TSPAN19: variants seen among roughly 807,000 people sequenced by gnomAD.
TSPAN19 encodes tetraspanin 19.
TSPAN19 carries 44 observed loss-of-function variants against 35.1 expected under a neutral mutation model. The ratio of observed to expected loss-of-function variants is 1.25; its 90% CI spans 0.98 to 1.61. The LOEUF (loss-of-function observed/expected upper bound fraction) is 1.61. Ranked by LOEUF, TSPAN19 falls within the 40% of genes most tolerant of loss-of-function variation. The pLI is 0.00. For missense variants in TSPAN19, 290 were observed against 280.0 expected (o/e 1.04, Z -0.26); for synonymous variants, 79 against 92.0 (o/e 0.86, Z 0.81).
At chr12:85,024,971 T>C (rs1314340998) in intron 4 of TSPAN19, among the ~76,000 whole-genome samples, 1 of 151,900 alleles carries the variant, frequency 6.6e-6, no homozygotes, top group Non-Finnish European at 1.5e-5. Flanking sequence ...CAAAATTTTC[T>C]TCTTGAGATA....
At position 85,017,738 on chromosome 12, in the gene TSPAN19, A is replaced by G. The variant is rs970991602; in HGVS notation, c.451-139T>C. 19 of 620,632 alleles carry G rather than the reference A, an allele frequency of 3.1e-5. No homozygotes were observed. The East Asian group carries it at 5.0e-4, about 16-fold the overall frequency. 38.4% of individuals were successfully genotyped at this position (620,632 alleles called of 1,614,324 possible). On this transcript the variant is annotated intron_variant, in intron 6 of 8. Transcript: ENST00000532498. ...TGAACATGTAATGAATTAAATAAGT[A>G]TATCTGTGCTTGTTTAATTCATTAC... is the stretch of plus-strand genomic sequence containing the variant.
chr12:85,025,761 G>A (rs1231458309), intron 4 of TSPAN19, among the ~76,000 whole-genome samples: 4 of 151,836 alleles, frequency 2.6e-5, no homozygotes, highest in East Asian at 2.0e-4. Flanking sequence ...TCTTGACCTC[G>A]TGATCTGCCT....
In TSPAN19 at chr12:85,028,933, G is replaced by C. The variant is rs557578715; in HGVS notation, c.139+786C>G. On this transcript the variant is annotated intron_variant, in intron 3 of 8. Coordinates refer to ENST00000532498, the MANE Select transcript of TSPAN19 (RefSeq NM_001100917.2). Reference sequence around the variant, plus strand: ...AAGGCTGCTGGAAAAGGTAACATCTGAGCATAGGCTTTATTGGTCATTGTA... The same window carrying C: ...AAGGCTGCTGGAAAAGGTAACATCTCAGCATAGGCTTTATTGGTCATTGTA... Among the ~76,000 whole-genome samples, 33 of 152,280 alleles carry C rather than the reference G, an allele frequency of 2.2e-4. No individual in the cohort carries two copies. The South Asian group carries it at 6.6e-3, about 31-fold the overall frequency.
At chr12:85,021,450 T>C (rs1439766306) in intron 5 of TSPAN19, among the ~76,000 whole-genome samples, 1 of 152,046 alleles carries the variant, frequency 6.6e-6, no homozygotes, top group Non-Finnish European at 1.5e-5. Context: ...TCATTTTTAT[T>C]TAGAATAAAT....
In TSPAN19 at chr12:85,027,904, T is replaced by C; in HGVS notation, c.259A>G (p.Ile87Val). The C allele has an allele frequency of 1.9e-6, 3 of 1,571,792 alleles. No individual in the cohort carries two copies. The highest frequency in any genetic ancestry group is 1.7e-4 in the Middle Eastern group (1 of 5,964). The change falls in exon 4 of 9, where the codon ATT becomes GTT. Residue 87 changes from isoleucine to valine, a missense_variant. Physicochemically the swap from Ile to Val is conservative, Grantham distance 29. Transcript: ENST00000532498. Reference sequence around the variant, plus strand: ...TATTGACATGAAATACGTACCACAATTAGGAGCCATCTGATTTCGTTGTGA... The same window carrying C: ...TATTGACATGAAATACGTACCACAACTAGGAGCCATCTGATTTCGTTGTGA... ...GIHNEIRWLL[I>V]VYAVLITWTF...
chr12:85,014,626 A>G (rs1311115153), intron 8 of TSPAN19, 71 bp from the exon 9 acceptor site: 6 of 1,152,788 alleles, frequency 5.2e-6, no homozygotes, highest in Non-Finnish European at 7.6e-6. Flanking sequence ...AGTTAACAAT[A>G]TATAGTCACC....
intron 5 of TSPAN19, among the ~76,000 whole-genome samples, chr12:85,021,303 A>G (rs1877109579): frequency 6.6e-6 from 1 of 151,998 alleles, no homozygotes; most frequent in Admixed American, 6.6e-5. Context: ...AAACTAAGTA[A>G]CTGGTGGGAA....
chr12:85,035,982 C>T (rs1017508157), intron 1 of TSPAN19, among the ~76,000 whole-genome samples: 1 of 151,902 alleles, frequency 6.6e-6, no homozygotes, highest in Admixed American at 6.6e-5. Context: ...AACTTATTGA[C>T]TTCTCTTCCA....
In TSPAN19 at chr12:85,023,499, A is replaced by C. The variant is rs191054062; in HGVS notation, c.265-99T>G. The C allele has an allele frequency of 8.2e-4, 774 of 940,466 alleles. 1 individual carries two copies. The highest frequency in any genetic ancestry group is 1.8e-3 in the Admixed American group (78 of 43,440). 58.3% of individuals were successfully genotyped at this position (940,466 alleles called of 1,614,324 possible). A position where few individuals can be genotyped will look rare whatever the true frequency, so the allele number is the denominator to read the frequency against. On this transcript the variant is annotated intron_variant, in intron 4 of 8. Coordinates refer to ENST00000532498, the MANE Select transcript of TSPAN19 (RefSeq NM_001100917.2). ...CACACACCATTGGAAATATGCAACC[A>C]TAAAGTATATATGGGTATTGCTGAG...
chr12:85,017,774 C>T (rs2058867779), intron 6 of TSPAN19, among the ~76,000 whole-genome samples, 175 bp from the exon 7 acceptor site: 1 of 151,786 alleles, frequency 6.6e-6, no homozygotes, highest in African/African-American at 2.4e-5. Flanking sequence ...TTTGTTTCTG[C>T]TATTATTGTT....
intron 4 of TSPAN19, among the ~76,000 whole-genome samples, chr12:85,027,565 G>T (rs1411534195): frequency 6.6e-6 from 1 of 151,936 alleles, no homozygotes; most frequent in East Asian, 1.9e-4. Flanking sequence ...ATTCCTCATT[G>T]ACTTGAATAC....
intron 4 of TSPAN19, 90 bp from the exon 5 acceptor site, chr12:85,023,490 T>C (rs1877236743): frequency 9.7e-7 from 1 of 1,034,188 alleles, no homozygotes. Context: ...CCATTGGAAA[T>C]ATGCAACCAT....
rs748141878 is a variant in TSPAN19, at chr12:85,019,749, G to C, written c.340-13C>G. The C allele has an allele frequency of 1.5e-5, 22 of 1,503,860 alleles. No homozygotes were observed. The Admixed American group carries it at 1.6e-4, about 11-fold the overall frequency. The allele number at this position is 1,503,860 out of a possible 1,614,324, so 93.2% of individuals were successfully genotyped here. ...ATAGTTGCTGAACCTGTAGAAAATT[G>C]TATTAAAAATGAAAATTTCATAGGA... On this transcript the variant is annotated splice_polypyrimidine_tract_variant and intron_variant, in intron 5 of 8. Coordinates refer to ENST00000532498, the MANE Select transcript of TSPAN19 (RefSeq NM_001100917.2).
At chr12:85,031,736 G>A (rs1180053803) in intron 1 of TSPAN19, among the ~76,000 whole-genome samples, 3 of 152,086 alleles carry the variant, frequency 2.0e-5, no homozygotes, top group Non-Finnish European at 2.9e-5. Flanking sequence ...AACAGAAAGG[G>A]AAGGGGATGA....
At chr12:85,030,972 A>G (rs1462644944) in intron 1 of TSPAN19, among the ~76,000 whole-genome samples, 2 of 152,144 alleles carry the variant, frequency 1.3e-5, no homozygotes, top group Non-Finnish European at 2.9e-5. Flanking sequence ...CAGATTTAAT[A>G]AGATTATTTT....
At chr12:85,033,430 A>G (rs1298955171) in intron 1 of TSPAN19, among the ~76,000 whole-genome samples, 1 of 151,052 alleles carries the variant, frequency 6.6e-6, no homozygotes, top group African/African-American at 2.4e-5. Context: ...CACTTAAGAT[A>G]GGGGGATAAT....
At chr12:85,029,652 T>C (rs1877586681) in intron 3 of TSPAN19, 67 bp downstream of exon 3, 1 of 1,192,126 alleles carries the variant, frequency 8.4e-7, no homozygotes, top group Non-Finnish European at 1.2e-6. Flanking sequence ...GCTGAATAAA[T>C]TGTGTATACA....
At chr12:85,036,000 A>G (rs978620623) in intron 1 of TSPAN19, among the ~76,000 whole-genome samples, 3 of 152,030 alleles carry the variant, frequency 2.0e-5, no homozygotes, top group Non-Finnish European at 2.9e-5. Flanking sequence ...CCATACTTCT[A>G]TGTCCCACAA....
intron 1 of TSPAN19, among the ~76,000 whole-genome samples, chr12:85,033,262 G>T (rs753908966): frequency 4.6e-5 from 7 of 152,030 alleles, no homozygotes; most frequent in South Asian, 4.1e-4. Flanking sequence ...GTGTAAGGAG[G>T]CATGGATCAG....
Sources: gnomAD v4.1 joint callset for allele counts (sites outside exome capture counted in the v4.1 genomes callset) on GRCh38, gnomAD v4.1.1 for gene constraint, MANE v1.5 for transcripts, NCBI Gene and HGNC (gene_info 2026-07-23, HGNC 2026-07-21) for gene names.